The following PRKCD variants were observed in gnomAD, a reference collection of about 807,000 sequenced individuals.
PRKCD encodes protein kinase C delta, also known as protein kinase C delta type.
Under a neutral mutation model 82.2 loss-of-function variants are expected in PRKCD, and 20 were observed. The observed-to-expected ratio is 0.24, with a 90% CI of 0.17 to 0.35. The LOEUF (loss-of-function observed/expected upper bound fraction) is 0.35, where lower values mean the gene tolerates loss of function less well. Among genes scored for constraint, PRKCD ranks in the 10% least tolerant of loss-of-function variants. The pLI is 1.00. For synonymous variants in PRKCD, 317 were observed against 337.0 expected (o/e 0.94, Z 0.65); for missense variants, 607 against 899.0 (o/e 0.68, Z 4.15).
chr3:53,180,628 C>T (rs2107260175), intron 4 of PRKCD, among the ~76,000 whole-genome samples: 1 of 152,318 alleles, frequency 6.6e-6, no homozygotes, highest in South Asian at 2.1e-4. Context: ...TGTACTGACC[C>T]TTGGCCAGTC....
At chr3:53,164,809 G>A (rs992562634) in intron 1 of PRKCD, among the ~76,000 whole-genome samples, 1 of 152,158 alleles carries the variant, frequency 6.6e-6, no homozygotes, top group Non-Finnish European at 1.5e-5. Context: ...CCCACAGACA[G>A]GAGGGTCAGG....
chr3:53,183,263 G>A (rs1202573413), intron 8 of PRKCD, 57 bp downstream of exon 8: 2 of 1,593,430 alleles, frequency 1.3e-6, no homozygotes, highest in East Asian at 2.3e-5. Flanking sequence ...AGATGGGAGG[G>A]ATTTGCACCC....
At chr3:53,162,205 T>C (rs1702691871) in intron 1 of PRKCD, among the ~76,000 whole-genome samples, 3 of 149,764 alleles carry the variant, frequency 2.0e-5, no homozygotes, top group African/African-American at 7.3e-5. Flanking sequence ...CGATACGGTC[T>C]GTACTCGCCC....
intron 18 of PRKCD, among the ~76,000 whole-genome samples, chr3:53,191,737 T>C (rs1485913546): frequency 6.6e-6 from 1 of 152,270 alleles, no homozygotes; most frequent in Non-Finnish European, 1.5e-5. Flanking sequence ...CTAATTTTCA[T>C]GTCATGAAAT....
At chr3:53,184,174 A>T (rs1309967388) in intron 9 of PRKCD, among the ~76,000 whole-genome samples, 3 of 151,544 alleles carry the variant, frequency 2.0e-5, no homozygotes, top group African/African-American at 7.3e-5. Context: ...CTACTAAAAA[A>T]ATACAAAAAA....
chr3:53,188,187 CAAAAAAAAA>C (rs557772373), intron 15 of PRKCD, among the ~76,000 whole-genome samples: 7,746 of 45,724 alleles, frequency 0.17, 489 homozygotes, highest in African/African-American at 0.28. Flanking sequence ...GACTGTGTCT[CAAAAAAAAA>C]AAAAAAAAAA....
chr3:53,170,598 G>T (rs1236531777), intron 2 of PRKCD, among the ~76,000 whole-genome samples: 2 of 152,236 alleles, frequency 1.3e-5, no homozygotes, highest in Admixed American at 1.3e-4. Flanking sequence ...CTTTGCTCTG[G>T]ATCAAGAGGG....
At position 53,181,529 on chromosome 3, in the gene PRKCD, C is replaced by A; in HGVS notation, c.462C>A (p.His154Gln). The change falls in exon 6 of 19, where the codon CAC becomes CAA. Residue 154 changes from histidine to glutamine, a missense_variant. His to Gln is a conservative substitution (Grantham distance 24). Coordinates refer to ENST00000330452, the MANE Select transcript of PRKCD (RefSeq NM_006254.4). ...RRGAIKQAKI[H>Q]YIKNHEFIAT... ...GAGCCATCAAACAGGCCAAAATCCACTACATCAAGAACCATGAGTTTATCG... is the reference window on the plus strand; with the variant it reads ...GAGCCATCAAACAGGCCAAAATCCAATACATCAAGAACCATGAGTTTATCG... 6.2e-7 allele frequency: 1 copy of A among 1,614,280 alleles called. No homozygotes were observed. The highest frequency in any genetic ancestry group is 8.5e-7 in the Non-Finnish European group (1 of 1,180,050).
chr3:53,167,494 A>G (rs1216048040), intron 2 of PRKCD, among the ~76,000 whole-genome samples: 1 of 152,256 alleles, frequency 6.6e-6, no homozygotes, highest in Non-Finnish European at 1.5e-5. Flanking sequence ...GGCAGCTCCC[A>G]GCAGCTCTAT....
chr3:53,172,124 T>C (rs1209244196), intron 2 of PRKCD, among the ~76,000 whole-genome samples: 4 of 151,902 alleles, frequency 2.6e-5, no homozygotes, highest in Admixed American at 2.0e-4. Context: ...ATAGATCTGG[T>C]TCTTATCTCA....
chr3:53,192,104 G>A lies in PRKCD; in HGVS notation c.1873-4G>A. Reference sequence around the variant, plus strand: ...GTTCGCTCACCCCTGCCCTCTGCTTGTAGAAGTCACCCAGAGACTACAGTA... The same window carrying A: ...GTTCGCTCACCCCTGCCCTCTGCTTATAGAAGTCACCCAGAGACTACAGTA... On this transcript the variant is annotated splice_polypyrimidine_tract_variant and splice_region_variant and intron_variant, in intron 18 of 18. Coordinates refer to ENST00000330452, the MANE Select transcript of PRKCD (RefSeq NM_006254.4). The A allele has an allele frequency of 6.2e-7, 1 of 1,613,500 alleles. No homozygotes were observed.
At chr3:53,183,665 C>T (rs964276194) in intron 9 of PRKCD, 84 bp downstream of exon 9, 104 of 1,554,426 alleles carry the variant, frequency 6.7e-5, no homozygotes, top group Middle Eastern at 1.8e-4. Context: ...ACGCCACCCT[C>T]GCCTCCTCAC....
chr3:53,165,754 G>A (rs1702812025), intron 2 of PRKCD, among the ~76,000 whole-genome samples: 1 of 152,256 alleles, frequency 6.6e-6, no homozygotes, highest in South Asian at 2.1e-4. Flanking sequence ...AGCCCGAGCA[G>A]GGCTCAGTCC....
At position 53,170,229 on chromosome 3, in the gene PRKCD, C is replaced by T. The variant is rs1702972376; in HGVS notation, c.-20+5014C>T. Among the ~76,000 whole-genome samples, 4 of 152,206 alleles carry T rather than the reference C, an allele frequency of 2.6e-5. No homozygotes were observed. The South Asian group carries it at 8.3e-4, about 31-fold the overall frequency. On this transcript the variant is annotated intron_variant, in intron 2 of 18. Transcript: ENST00000330452. ...GCTGTTCCCATCTCCAAACACATAC[C>T]CTCACCCCATTGGAGGCCAGATGGG...
chr3:53,173,145 C>T (rs1002647331), intron 2 of PRKCD, among the ~76,000 whole-genome samples: 13 of 152,230 alleles, frequency 8.5e-5, no homozygotes, highest in African/African-American at 2.9e-4. Flanking sequence ...GCTGGCGCTC[C>T]TCAGGCCATG....
chr3:53,183,183 G>A lies in PRKCD; in HGVS notation c.634G>A (p.Ala212Thr), dbSNP rs375512516. 21 of 1,614,078 alleles carry A rather than the reference G, an allele frequency of 1.3e-5. No homozygotes were observed. The highest frequency in any genetic ancestry group is 4.5e-5 in the East Asian group (2 of 44,890). Residue 212 changes from alanine to threonine, a missense_variant, in exon 8 of 19, where the codon GCG becomes ACG. Around this residue, in one of 5 missense-constraint regions of PRKCD, gnomAD observed 109 missense variants for 155.6 expected, o/e 0.70. Coordinates refer to ENST00000330452, the MANE Select transcript of PRKCD (RefSeq NM_006254.4). ...DKIIGRCTGT[A>T]ANSRDTIFQK... ...GATCATCGGCAGATGCACTGGCACC[G>A]CGGCCAACAGCCGGGACACTATAGT...
At chr3:53,191,704 G>A (rs1553670947) in intron 18 of PRKCD, among the ~76,000 whole-genome samples, 1 of 152,162 alleles carries the variant, frequency 6.6e-6, no homozygotes, top group African/African-American at 2.4e-5. Context: ...CTTTATTTAT[G>A]GAAAGTGAAA....
chr3:53,168,503 G>A (rs1157519577), intron 2 of PRKCD, among the ~76,000 whole-genome samples: 1 of 152,144 alleles, frequency 6.6e-6, no homozygotes, highest in Admixed American at 6.5e-5. Context: ...CTTAGGAGCA[G>A]GACTTCTGCA....
rs782493008 is a variant in PRKCD, at chr3:53,188,831, C to T, written c.1527C>T (p.Cys509=). ...GGGAGAGCCGGGCCAGCACCTTCTG[C>T]GGCACCCCTGACTATATCGCCCCTG... ...IFGESRASTF[C]GTPDYIAPEI... Residue 509 remains cysteine (C), a synonymous_variant, in exon 16 of 19, where the codon TGC becomes TGT. Transcript: ENST00000330452. 8.7e-6 allele frequency: 14 copies of T among 1,614,056 alleles called. No individual in the cohort carries two copies. Among genetic ancestry groups the T allele is most frequent in the Admixed American group, 3.3e-5 (2 of 60,012 alleles).
Sources: gnomAD v4.1 joint callset for allele counts (sites outside exome capture counted in the v4.1 genomes callset) on GRCh38, gnomAD v4.1.1 for gene constraint, gnomAD v4.1.1 regional missense constraint, MANE v1.5 for transcripts, NCBI Gene and HGNC (gene_info 2026-07-23, HGNC 2026-07-21) for gene names.